Variants in FAM111B observed in about 807,000 individuals in gnomAD.
FAM111B encodes the protein FAM111 trypsin like peptidase B.
In FAM111B, 1 loss-of-function variant was observed where a neutral mutation model predicts 2.8. That is an observed-to-expected ratio of 0.36 (90% CI 0.13 to 1.70). FAM111B has a LOEUF of 1.70. FAM111B is among the 40% of genes most tolerant of loss of function. The probability of loss-of-function intolerance (pLI) is 0.35; values close to 1 mark genes in which losing one functional copy is unlikely to be tolerated. For missense variants in FAM111B, 882 were observed against 878.9 expected (o/e 1.00, Z -0.04); for synonymous variants, 297 against 295.6 (o/e 1.00, Z -0.05).
chr11:59,116,565 GTGAC>G (rs1383254936), intron 3 of FAM111B, among the ~76,000 whole-genome samples: 2 of 152,174 alleles, frequency 1.3e-5, no homozygotes, highest in Non-Finnish European at 2.9e-5. Flanking sequence ...AGAGGGAAGA[GTGAC>G]TGGCTTCTAG....
At chr11:59,116,792 T>C (rs1859846588) in intron 3 of FAM111B, among the ~76,000 whole-genome samples, 1 of 152,204 alleles carries the variant, frequency 6.6e-6, no homozygotes, top group South Asian at 2.1e-4. Context: ...GCAATCTTTG[T>C]TTCAAGAAAC....
chr11:59,108,448 A>C (rs1859701082), intron 1 of FAM111B, among the ~76,000 whole-genome samples: 2 of 152,136 alleles, frequency 1.3e-5, no homozygotes, highest in South Asian at 4.1e-4. Flanking sequence ...TTGTCACCTT[A>C]GTCTCTCAGC....
intron 1 of FAM111B, among the ~76,000 whole-genome samples, chr11:59,108,289 T>A (rs1325554506): frequency 6.6e-6 from 1 of 152,000 alleles, no homozygotes; most frequent in Non-Finnish European, 1.5e-5. Context: ...ACTATGACAG[T>A]TTTAGGGTGG....
intron 3 of FAM111B, among the ~76,000 whole-genome samples, chr11:59,123,819 A>T (rs10896925): frequency 0.25 from 37,480 of 152,046 alleles, 4,874 homozygotes; most frequent in African/African-American, 0.34. Context: ...AAGTTAGGTA[A>T]AAGGTAGGAG....
At position 59,125,848 on chromosome 11, in the gene FAM111B, T is replaced by A; in HGVS notation, c.1751T>A (p.Ile584Asn). Residue 584 changes from isoleucine to asparagine, a missense_variant, in exon 4 of 4, where the codon ATC (isoleucine) becomes AAC (asparagine). Transcript: ENST00000343597. ...TTAATTGGTCATCCTGAAGGCCAGA[T>A]CAAGAAAATAGATGGTTGTACTGTG... ...IYLIGHPEGQIKKIDGCTVIP... is the reference protein window; with the variant it reads ...IYLIGHPEGQNKKIDGCTVIP... 1 of 1,613,902 alleles carries A rather than the reference T, an allele frequency of 6.2e-7. No homozygotes were observed.
intron 3 of FAM111B, among the ~76,000 whole-genome samples, chr11:59,123,768 T>G (rs1433504296): frequency 6.6e-6 from 1 of 152,176 alleles, no homozygotes; most frequent in African/African-American, 2.4e-5. Flanking sequence ...AAGATTTAGA[T>G]CTGCATATGA....
At chr11:59,107,688 C>T (rs966066050) in intron 1 of FAM111B, among the ~76,000 whole-genome samples, 4 of 152,086 alleles carry the variant, frequency 2.6e-5, no homozygotes, top group African/African-American at 9.7e-5. Flanking sequence ...TTCTTAAGGT[C>T]TTTTAGGGCA....
chr11:59,112,233 A>G (rs1411662469), intron 3 of FAM111B, among the ~76,000 whole-genome samples: 1 of 152,214 alleles, frequency 6.6e-6, no homozygotes, highest in African/African-American at 2.4e-5. Context: ...ACTTTTCCAG[A>G]ACATCATATA....
intron 3 of FAM111B, among the ~76,000 whole-genome samples, chr11:59,111,790 A>G (rs1406048616): frequency 6.6e-6 from 1 of 152,140 alleles, no homozygotes; most frequent in Non-Finnish European, 1.5e-5. Flanking sequence ...AAACTGCCAA[A>G]CTGTTCGTCT....
At chr11:59,113,217 A>G (rs1343419691) in intron 3 of FAM111B, among the ~76,000 whole-genome samples, 1 of 142,132 alleles carries the variant, frequency 7.0e-6, no homozygotes, top group Non-Finnish European at 1.5e-5. Flanking sequence ...TGTGTTGTGT[A>G]AAAAAATTAA....
At chr11:59,113,674 G>T (rs1277825618) in intron 3 of FAM111B, among the ~76,000 whole-genome samples, 3 of 152,194 alleles carry the variant, frequency 2.0e-5, no homozygotes, top group Non-Finnish European at 4.4e-5. Context: ...GCTCTGCACA[G>T]ATGGAGTCAC....
At position 59,109,709 on chromosome 11, in the gene FAM111B, A is replaced by G. The variant is rs778965778; in HGVS notation, c.81+3A>G. On this transcript the variant is annotated splice_donor_region_variant and intron_variant, in intron 3 of 3. Transcript: ENST00000343597. ...GGACTAGACCTGAAGTTTCAAAGGT[A>G]TATCTACTTTTTTACAACTCCTCAG... 6.2e-7 allele frequency: 1 copy of G among 1,601,822 alleles called. No homozygotes were observed. The highest frequency in any genetic ancestry group is 8.5e-7 in the Non-Finnish European group (1 of 1,170,828).
intron 3 of FAM111B, among the ~76,000 whole-genome samples, chr11:59,120,940 A>G (rs1027240406): frequency 6.6e-6 from 1 of 152,190 alleles, no homozygotes; most frequent in African/African-American, 2.4e-5. Context: ...TGAACAATTC[A>G]GTCAGCATCG....
At chr11:59,113,827 G>A (rs1007273391) in intron 3 of FAM111B, among the ~76,000 whole-genome samples, 3 of 152,176 alleles carry the variant, frequency 2.0e-5, no homozygotes, top group African/African-American at 7.2e-5. Flanking sequence ...CACACCTAGA[G>A]GGAAGTGTTT....
chr11:59,124,934 C>A lies in FAM111B; in HGVS notation c.837C>A (p.Ile279=). The stretch of plus-strand genomic sequence containing the variant: ...AAAAAGCATTACAACAGAAAGATAT[C>A]CATAAAAAAATTAAACAGAATGAAA... ...SKKKALQQKD[I]HKKIKQNESA... is the part of the protein sequence containing the mutation. Residue 279 remains isoleucine (I), a synonymous_variant, in exon 4 of 4, where the codon ATC becomes ATA. Transcript: ENST00000343597. 2 of 1,605,088 alleles carry A rather than the reference C, an allele frequency of 1.2e-6. No individual in the cohort carries two copies. Among genetic ancestry groups the A allele is most frequent in the Non-Finnish European group, 1.7e-6 (2 of 1,177,694 alleles).
intron 3 of FAM111B, among the ~76,000 whole-genome samples, chr11:59,114,399 A>G (rs1266162922): frequency 6.6e-6 from 1 of 152,092 alleles, no homozygotes; most frequent in African/African-American, 2.4e-5. Context: ...CAGGCTAAAG[A>G]GGAGGGGGCC....
rs1208820404 is a variant in FAM111B, at chr11:59,126,527, A to G, written c.*225A>G. The G allele has an allele frequency of 7.8e-6, 3 of 384,434 alleles. No homozygotes were observed. Among genetic ancestry groups the G allele is most frequent in the Non-Finnish European group, 1.4e-5 (3 of 217,530 alleles). The allele number at this position is 384,434 out of a possible 1,614,324, so 23.8% of individuals were successfully genotyped here. Reference sequence around the variant, plus strand: ...AGCAAAGATCTAATATTCAGAATCCATTAGGAACTTAAACAGATTAACAAG... The same window carrying G: ...AGCAAAGATCTAATATTCAGAATCCGTTAGGAACTTAAACAGATTAACAAG... On this transcript the variant is annotated 3_prime_UTR_variant, in exon 4 of 4. Coordinates refer to ENST00000343597, the MANE Select transcript of FAM111B (RefSeq NM_198947.4).
chr11:59,123,088 GTATTTA>G (rs1369534819), intron 3 of FAM111B, among the ~76,000 whole-genome samples: 2 of 152,042 alleles, frequency 1.3e-5, no homozygotes, highest in African/African-American at 4.8e-5. Context: ...TTGTATATGA[GTATTTA>G]TATTTATTTA....
chr11:59,126,165 AT>A lies in FAM111B; in HGVS notation c.2070del (p.Leu691PhefsTer15), dbSNP rs1367132723. The A allele has an allele frequency of 6.2e-7, 1 of 1,611,844 alleles. No individual in the cohort carries two copies. The highest frequency in any genetic ancestry group is 1.1e-5 in the South Asian group (1 of 90,324). On this transcript the variant is annotated frameshift_variant, in exon 4 of 4. Transcript: ENST00000343597. LOFTEE classifies it low-confidence loss of function (END_TRUNC). ...TGAATTTGGTTATTCTATGGATTCT[AT>A]TCTTTGTGATATTAAAAAGACAAAT... ...LIEFGYSMDS[I>X]LCDIKKTNES...
Sources: gnomAD v4.1 joint callset for allele counts (sites outside exome capture counted in the v4.1 genomes callset) on GRCh38, gnomAD v4.1.1 for gene constraint, MANE v1.5 for transcripts, NCBI Gene and HGNC (gene_info 2026-07-23, HGNC 2026-07-21) for gene names.